TMEM117: variants seen among roughly 807,000 people sequenced by gnomAD.
The protein encoded by TMEM117 is transmembrane protein 117.
TMEM117 carries 27 observed loss-of-function variants against 52.4 expected under a neutral mutation model. The observed-to-expected ratio is 0.51, with a 90% CI of 0.38 to 0.71. The LOEUF is 0.71. Ranked by LOEUF, TMEM117 falls within the 30% of genes least tolerant of loss-of-function variation. The pLI is 0.00. For synonymous variants in TMEM117, 215 were observed against 206.3 expected (o/e 1.04, Z -0.36); for missense variants, 556 against 630.5 (o/e 0.88, Z 1.26).
chr12:44,343,023 T>G (rs934506879), intron 6 of TMEM117, among the ~76,000 whole-genome samples: 4 of 152,010 alleles, frequency 2.6e-5, no homozygotes, highest in Non-Finnish European at 4.4e-5. Context: ...GTAGCTGGGT[T>G]TACAGGTGCC....
At chr12:43,841,595 CA>C (rs1413553855) in intron 1 of TMEM117, among the ~76,000 whole-genome samples, 1 of 152,288 alleles carries the variant, frequency 6.6e-6, no homozygotes, top group East Asian at 1.9e-4. Flanking sequence ...GCCCACGAAG[CA>C]AGTTTCCGAA....
At chr12:44,144,048 A>G (rs1948607704) in intron 4 of TMEM117, among the ~76,000 whole-genome samples, 1 of 151,954 alleles carries the variant, frequency 6.6e-6, no homozygotes. Flanking sequence ...GTCTCAGAAG[A>G]CCATATGAAA....
chr12:43,841,588 C>T (rs1943116232), intron 1 of TMEM117, among the ~76,000 whole-genome samples: 1 of 152,044 alleles, frequency 6.6e-6, no homozygotes, highest in African/African-American at 2.4e-5. Flanking sequence ...TTACATAGCC[C>T]ACGAAGCAAG....
chr12:44,064,965 A>G (rs1947200049), intron 3 of TMEM117, among the ~76,000 whole-genome samples: 1 of 152,360 alleles, frequency 6.6e-6, no homozygotes, highest in Admixed American at 6.5e-5. Flanking sequence ...TATAGTAACC[A>G]TTTCACTGCA....
chr12:44,350,891 T>C (rs1951553263), intron 6 of TMEM117, among the ~76,000 whole-genome samples: 1 of 152,050 alleles, frequency 6.6e-6, no homozygotes, highest in South Asian at 2.1e-4. Flanking sequence ...AGCAGTGGGA[T>C]TCCTGGATCA....
At chr12:43,919,406 G>T (rs1592363284) in intron 2 of TMEM117, among the ~76,000 whole-genome samples, 2 of 152,274 alleles carry the variant, frequency 1.3e-5, no homozygotes, top group South Asian at 4.1e-4. Flanking sequence ...CCTGTGACTG[G>T]CTTGTTTCAC....
chr12:44,216,296 A>G (rs11182442), intron 5 of TMEM117, among the ~76,000 whole-genome samples: 40,706 of 151,640 alleles, frequency 0.27, 8,881 homozygotes, highest in African/African-American at 0.61. Context: ...ATGAGCCACC[A>G]CTCTCAGCCA....
chr12:43,909,791 C>A, intron 2 of TMEM117, among the ~76,000 whole-genome samples: 1 of 138,396 alleles, frequency 7.2e-6, no homozygotes. Flanking sequence ...AAGACTAAAC[C>A]AGGAAGAAGT....
chr12:44,327,345 A>G (rs1371315414), intron 6 of TMEM117, among the ~76,000 whole-genome samples: 1 of 152,202 alleles, frequency 6.6e-6, no homozygotes, highest in Non-Finnish European at 1.5e-5. Context: ...GAAAAGAATT[A>G]AACTTGTTTG....
At chr12:44,242,893 G>A (rs867642733) in intron 5 of TMEM117, among the ~76,000 whole-genome samples, 4 of 151,652 alleles carry the variant, frequency 2.6e-5, no homozygotes, top group African/African-American at 9.7e-5. Context: ...GTGTATAAGT[G>A]TTCCCTTTTT....
chr12:44,228,754 GA>G (rs1254618770), intron 5 of TMEM117, among the ~76,000 whole-genome samples: 1 of 151,888 alleles, frequency 6.6e-6, no homozygotes, highest in African/African-American at 2.4e-5. Context: ...TCCAAGAATA[GA>G]AAAAAAGGCC....
chr12:44,017,228 G>A (rs1166780506), intron 3 of TMEM117, among the ~76,000 whole-genome samples: 1 of 103,024 alleles, frequency 9.7e-6, no homozygotes, highest in East Asian at 2.2e-4. Context: ...TATTTATGAA[G>A]CCTTCTGTGT....
chr12:44,024,769 C>A (rs1044959603), intron 3 of TMEM117, among the ~76,000 whole-genome samples: 1 of 151,994 alleles, frequency 6.6e-6, no homozygotes, highest in Non-Finnish European at 1.5e-5. Flanking sequence ...AACGATTAGT[C>A]AGTGTAGGTA....
chr12:43,841,655 T>C (rs1943117812), intron 1 of TMEM117, among the ~76,000 whole-genome samples: 1 of 152,162 alleles, frequency 6.6e-6, no homozygotes, highest in Non-Finnish European at 1.5e-5. Flanking sequence ...AAAATGCGTG[T>C]ATTTAAAAAA....
At chr12:44,397,653 T>C in the TMEM117 span, among the ~76,000 whole-genome samples, 21 of 152,346 alleles carry the variant, frequency 1.4e-4, no homozygotes, top group Non-Finnish European at 2.5e-4. Flanking sequence ...CCATTTGAAA[T>C]ACATAGTTCT....
At chr12:44,043,036 A>T (rs557419296) in intron 3 of TMEM117, among the ~76,000 whole-genome samples, 13 of 152,172 alleles carry the variant, frequency 8.5e-5, no homozygotes, top group South Asian at 2.1e-4. Flanking sequence ...TATGCAAAAT[A>T]AATGCATTTG....
intron 5 of TMEM117, among the ~76,000 whole-genome samples, chr12:44,235,601 A>T (rs1255552357): frequency 6.6e-6 from 1 of 151,716 alleles, no homozygotes; most frequent in Non-Finnish European, 1.5e-5. Flanking sequence ...TAACTTATTA[A>T]AGTCTTACAT....
At chr12:44,012,566 A>T (rs1444824137) in intron 3 of TMEM117, among the ~76,000 whole-genome samples, 1 of 150,046 alleles carries the variant, frequency 6.7e-6, no homozygotes, top group Non-Finnish European at 1.5e-5. Flanking sequence ...AAGTTCCGAT[A>T]TTTTTTTCCT....
intron 6 of TMEM117, among the ~76,000 whole-genome samples, chr12:44,309,640 A>T (rs182393976): frequency 7.2e-4 from 110 of 152,256 alleles, no homozygotes; most frequent in African/African-American, 2.5e-3. Flanking sequence ...GCTTAGATGT[A>T]CTTTATTTCA....
Sources: gnomAD v4.1 joint callset for allele counts (sites outside exome capture counted in the v4.1 genomes callset) on GRCh38, gnomAD v4.1.1 for gene constraint, MANE v1.5 for transcripts, NCBI Gene and HGNC (gene_info 2026-07-23, HGNC 2026-07-21) for gene names.